ESR2: variants seen among roughly 807,000 people sequenced by gnomAD.
ESR2 encodes the protein estrogen receptor 2, also known as estrogen receptor beta.
In ESR2, 36 loss-of-function variants were observed where a neutral mutation model predicts 49.6. The ratio of observed to expected loss-of-function variants is 0.73; its 90% CI spans 0.56 to 0.96. The LOEUF (loss-of-function observed/expected upper bound fraction) is 0.96. Ranked by LOEUF, ESR2 falls within the 40% of genes least tolerant of loss-of-function variation. The pLI, the probability that ESR2 is intolerant of heterozygous loss-of-function variation, is 0.00. For synonymous variants in ESR2, 320 were observed against 266.1 expected (o/e 1.20, Z -1.97); for missense variants, 714 against 693.0 (o/e 1.03, Z -0.34).
At chr14:64,319,480 A>C (rs2077300000) in intron 1 of ESR2, among the ~76,000 whole-genome samples, 1 of 152,216 alleles carries the variant, frequency 6.6e-6, no homozygotes, top group Admixed American at 6.5e-5. Context: ...TAAGAAAATA[A>C]AAAAGACAAG....
chr14:64,271,888 A>G (rs934570066), intron 3 of ESR2, among the ~76,000 whole-genome samples: 4 of 152,218 alleles, frequency 2.6e-5, no homozygotes, highest in African/African-American at 9.6e-5. Flanking sequence ...TCTCTTCGAT[A>G]TACTGATTTC....
At chr14:64,296,279 TCCACTTTTCCAGTGA>T (rs2076956970), upstream of ESR2, among the ~76,000 whole-genome samples, 1 of 152,124 alleles carries the variant, frequency 6.6e-6, no homozygotes, top group Non-Finnish European at 1.5e-5. Context: ...AGATATTGAC[TCCACTTTTCCAGTGA>T]GGAAATTGAG....
upstream of ESR2, among the ~76,000 whole-genome samples, chr14:64,295,351 G>A (rs1567786179): frequency 6.6e-6 from 1 of 152,198 alleles, no homozygotes; most frequent in East Asian, 1.9e-4. Context: ...ACCAGCCTCA[G>A]CTGTTTGGTG....
intron 5 of ESR2, 185 bp downstream of exon 5, chr14:64,260,264 T>C (rs2076185424): frequency 2.6e-6 from 2 of 775,452 alleles, no homozygotes; most frequent in African/African-American, 3.4e-5. Context: ...CACGGCCTTG[T>C]TGAAGGTAGG....
At chr14:64,236,665 ACT>A (rs1166335975) in intron 7 of ESR2, among the ~76,000 whole-genome samples, 8 of 144,352 alleles carry the variant, frequency 5.5e-5, no homozygotes, top group African/African-American at 1.8e-4. Context: ...CTGCTTGGAA[ACT>A]CTCTCCTTCC....
At chr14:64,302,154 T>TTTA (rs1238999487) in intron 1 of ESR2, among the ~76,000 whole-genome samples, 226 of 140,120 alleles carry the variant, frequency 1.6e-3, no homozygotes, top group Middle Eastern at 7.1e-3. Flanking sequence ...CTTTTTTATT[T>TTTA]TTTATTTTTA....
downstream of ESR2, chr14:64,227,167 A>G: frequency 3.8e-6 from 1 of 262,570 alleles, no homozygotes; most frequent in Non-Finnish European, 7.1e-6. Context: ...AGCTGACCAC[A>G]CAATCCCAGT....
rs2076697724 is a variant in ESR2 at position 64,282,633 on chromosome 14, G to A, written c.353C>T (p.Pro118Leu). The A allele has an allele frequency of 2.5e-6, 4 of 1,599,916 alleles. No homozygotes were observed. The highest frequency in any genetic ancestry group is 3.4e-6 in the Non-Finnish European group (4 of 1,168,530). Reference sequence around the variant, plus strand: ...TGAAGACTGGACTTACCTGTTTACAGGTAAGGTGTGTTCTAGCGATCTTGC... The same window carrying A: ...TGAAGACTGGACTTACCTGTTTACAAGTAAGGTGTGTTCTAGCGATCTTGC... ...CEARSLEHTLPVNRETLKRKV... is the reference protein window; with the variant it reads ...CEARSLEHTLLVNRETLKRKV... The change falls in exon 2 of 9, where the codon CCT becomes CTT. Residue 118 changes from proline to leucine, a missense_variant. Transcript: ENST00000341099.
intron 1 of ESR2, among the ~76,000 whole-genome samples, chr14:64,316,574 C>A (rs1339097826): frequency 6.6e-6 from 1 of 151,978 alleles, no homozygotes; most frequent in East Asian, 1.9e-4. Context: ...TTTGGGAGGC[C>A]AAGGTGGGTG....
intron 1 of ESR2, among the ~76,000 whole-genome samples, chr14:64,315,473 TTTTA>T (rs1315342598): frequency 6.6e-6 from 1 of 151,854 alleles, no homozygotes. Context: ...TTTTTTAATG[TTTTA>T]TTTATTTATT....
At chr14:64,278,614 G>T (rs1005860548) in intron 3 of ESR2, among the ~76,000 whole-genome samples, 2 of 152,192 alleles carry the variant, frequency 1.3e-5, no homozygotes, top group Non-Finnish European at 2.9e-5. Context: ...ATAGGGTGTT[G>T]CCTGGGAGGG....
chr14:64,227,656 G>C (rs774433480), downstream of ESR2: 6 of 1,613,570 alleles, frequency 3.7e-6, no homozygotes, highest in South Asian at 6.6e-5. Context: ...GCAGTGAAAG[G>C]AAGTGTGGTC....
intron 1 of ESR2, among the ~76,000 whole-genome samples, chr14:64,314,298 A>G (rs1286854567): frequency 1.3e-5 from 2 of 152,072 alleles, no homozygotes; most frequent in Non-Finnish European, 2.9e-5. Context: ...TTAAAAATAC[A>G]TGGAACTGAA....
intron 6 of ESR2, among the ~76,000 whole-genome samples, chr14:64,252,277 A>C (rs1337527421): frequency 6.6e-6 from 1 of 150,622 alleles, no homozygotes; most frequent in East Asian, 1.9e-4. Context: ...GCACCACTGC[A>C]CTCCAGCCTG....
chr14:64,306,135 G>A (rs1479650834), intron 1 of ESR2, among the ~76,000 whole-genome samples: 1 of 151,750 alleles, frequency 6.6e-6, no homozygotes, highest in African/African-American at 2.4e-5. Flanking sequence ...CTTGAACCCG[G>A]GAGGCAGAAG....
chr14:64,237,824 G>A (rs1360501057), intron 7 of ESR2, among the ~76,000 whole-genome samples: 1 of 152,158 alleles, frequency 6.6e-6, no homozygotes, highest in Non-Finnish European at 1.5e-5. Context: ...TCTAGAATAG[G>A]CAAATCCATA....
At chr14:64,242,087 G>A (rs1246499723) in intron 7 of ESR2, among the ~76,000 whole-genome samples, 2 of 152,110 alleles carry the variant, frequency 1.3e-5, no homozygotes, top group African/African-American at 4.8e-5. Context: ...AGTGGATGTT[G>A]GATTTTGTCA....
chr14:64,291,591 T>C (rs1025837329), intron 1 of ESR2, among the ~76,000 whole-genome samples: 6 of 152,198 alleles, frequency 3.9e-5, no homozygotes, highest in African/African-American at 9.7e-5. Flanking sequence ...CCTAACTGTA[T>C]ACTGAATTGA....
In ESR2 at chr14:64,286,309, AT is replaced by A. The variant is rs528477173; in HGVS notation, c.-90-3235del. 1.8e-4 allele frequency among the ~76,000 whole-genome samples: 27 copies of A among 149,852 alleles called. 1 individual carries two copies. Among genetic ancestry groups the A allele is most frequent in the African/African-American group, 5.9e-4 (24 of 40,944 alleles). ...TAATGAGTATGGAATTTTATATTTC[AT>A]TTTTTTTTTACATGGAGTTTCGCTG... On this transcript the variant is annotated intron_variant, in intron 1 of 8. Coordinates refer to ENST00000341099, the MANE Select transcript of ESR2 (RefSeq NM_001437.3).
Sources: allele counts gnomAD v4.1 joint callset (sites outside exome capture counted in the v4.1 genomes callset), GRCh38; gene constraint gnomAD v4.1.1; transcripts MANE v1.5; gene names NCBI Gene and HGNC (gene_info 2026-07-23, HGNC 2026-07-21).